CDH18: variants seen among roughly 807,000 people sequenced by gnomAD.
CDH18 encodes cadherin-18.
CDH18 carries 31 observed loss-of-function variants against 67.9 expected under a neutral mutation model. The ratio of observed to expected loss-of-function variants is 0.46; its 90% confidence interval spans 0.34 to 0.62. The LOEUF is 0.62. Among genes scored for constraint, CDH18 ranks in the 20% least tolerant of loss-of-function variants. The pLI is 0.01. For synonymous variants in CDH18, 362 were observed against 347.2 expected, an observed-to-expected ratio of 1.04 and a Z score of -0.48; for missense variants, 890 against 975.5, an observed-to-expected ratio of 0.91 and a Z score of 1.17.
chr5:20,330,138 C>T (rs1444629318), intron 1 of CDH18, among the ~76,000 whole-genome samples: 4 of 151,988 alleles, frequency 2.6e-5, no homozygotes, highest in Admixed American at 1.3e-4. Context: ...TCTATAAAAG[C>T]AAAATTATCT....
chr5:19,588,084 G>A (rs547147690), intron 7 of CDH18, among the ~76,000 whole-genome samples: 1 of 151,792 alleles, frequency 6.6e-6, no homozygotes, highest in African/African-American at 2.4e-5. Context: ...TTTGTTTTAG[G>A]CTTGCCTATT....
intron 2 of CDH18, among the ~76,000 whole-genome samples, chr5:19,875,385 C>A (rs954987004): frequency 1.3e-5 from 2 of 149,034 alleles, no homozygotes; most frequent in Non-Finnish European, 3.0e-5. Flanking sequence ...TCTTCTATTT[C>A]TTCCATGGGT....
At chr5:19,501,514 G>GAAAAAAAA (rs33928797) in intron 11 of CDH18, among the ~76,000 whole-genome samples, 1 of 121,586 alleles carries the variant, frequency 8.2e-6, no homozygotes. Context: ...TCTTAAAAAA[G>GAAAAAAAA]AAAAAAAAAA....
At chr5:20,104,509 A>T (rs545182551) in intron 2 of CDH18, among the ~76,000 whole-genome samples, 9 of 152,274 alleles carry the variant, frequency 5.9e-5, no homozygotes, top group African/African-American at 1.9e-4. Flanking sequence ...AAATACTCTG[A>T]TGACTTCTCA....
At chr5:20,458,479 G>A (rs115832311) in intron 1 of CDH18, among the ~76,000 whole-genome samples, 1,957 of 152,104 alleles carry the variant, frequency 0.013, 28 homozygotes, top group African/African-American at 0.033. Flanking sequence ...TTAGCTGGGC[G>A]CGGTGGCACG....
intron 4 of CDH18, among the ~76,000 whole-genome samples, chr5:19,727,715 A>G (rs991405153): frequency 7.2e-5 from 7 of 96,792 alleles, no homozygotes; most frequent in African/African-American, 1.8e-4. Flanking sequence ...TATGAAGTTA[A>G]AAGTCAAGAA....
At chr5:20,007,202 C>A (rs963615055) in intron 2 of CDH18, among the ~76,000 whole-genome samples, 1 of 151,524 alleles carries the variant, frequency 6.6e-6, no homozygotes, top group African/African-American at 2.4e-5. Flanking sequence ...GATTAGATAA[C>A]AAATGGTGAA....
intron 1 of CDH18, among the ~76,000 whole-genome samples, chr5:20,487,148 A>T (rs921218705): frequency 1.3e-5 from 2 of 152,128 alleles, no homozygotes; most frequent in African/African-American, 2.4e-5. Flanking sequence ...GGTTCTTGAA[A>T]CAAAGTTTCC....
intron 1 of CDH18, among the ~76,000 whole-genome samples, chr5:20,518,009 C>A (rs1202757975): frequency 6.6e-6 from 1 of 151,910 alleles, no homozygotes; most frequent in Non-Finnish European, 1.5e-5. Context: ...TTCCAGGAAC[C>A]TTTATTTTTT....
At chr5:19,504,508 G>T (rs1160393829) in intron 10 of CDH18, among the ~76,000 whole-genome samples, 1 of 151,840 alleles carries the variant, frequency 6.6e-6, no homozygotes, top group Non-Finnish European at 1.5e-5. Context: ...TGGATAATCA[G>T]ATATATTGTA....
intron 9 of CDH18, among the ~76,000 whole-genome samples, chr5:19,537,627 C>A (rs1398312022): frequency 2.0e-5 from 3 of 152,080 alleles, no homozygotes; most frequent in African/African-American, 7.2e-5. Context: ...CCTATGAAAC[C>A]TTCACTGATC....
At chr5:19,896,684 G>A (rs1789379474) in intron 2 of CDH18, among the ~76,000 whole-genome samples, 1 of 152,160 alleles carries the variant, frequency 6.6e-6, no homozygotes, top group Non-Finnish European at 1.5e-5. Flanking sequence ...TGAATTGACG[G>A]AAATCTGTTA....
intron 1 of CDH18, among the ~76,000 whole-genome samples, chr5:20,418,370 C>G (rs1181663775): frequency 6.6e-6 from 1 of 151,106 alleles, no homozygotes; most frequent in Non-Finnish European, 1.5e-5. Flanking sequence ...CATGAGCCAC[C>G]ACGCCCGGCC....
chr5:20,345,522 A>G (rs1335932545), intron 1 of CDH18, among the ~76,000 whole-genome samples: 2 of 152,024 alleles, frequency 1.3e-5, no homozygotes, highest in Non-Finnish European at 2.9e-5. Context: ...TATATCATTT[A>G]TATTTATTCC....
intron 1 of CDH18, among the ~76,000 whole-genome samples, chr5:20,389,756 A>G (rs1744671328): frequency 1.3e-5 from 2 of 152,160 alleles, no homozygotes; most frequent in South Asian, 4.1e-4. Flanking sequence ...GGTTACAGTA[A>G]ACAAAACAGC....
intron 2 of CDH18, among the ~76,000 whole-genome samples, chr5:20,009,842 C>T (rs942215273): frequency 6.6e-6 from 1 of 151,916 alleles, no homozygotes; most frequent in Non-Finnish European, 1.5e-5. Flanking sequence ...TGTTTTCATG[C>T]CCCTAATACT....
intron 1 of CDH18, among the ~76,000 whole-genome samples, chr5:20,454,307 G>T (rs1750683246): frequency 6.6e-6 from 1 of 151,862 alleles, no homozygotes; most frequent in African/African-American, 2.4e-5. Flanking sequence ...TTTCTGGAAA[G>T]GTATAATTGG....
At position 20,095,210 on chromosome 5, in the gene CDH18, G is replaced by T. The variant is rs573975572; in HGVS notation, c.-517-103196C>A. Among the ~76,000 whole-genome samples, 6 of 150,974 alleles carry T rather than the reference G, an allele frequency of 4.0e-5. No individual in the cohort carries two copies. In the East Asian group the frequency reaches 9.8e-4, roughly 25 times the overall value. On this transcript the variant is annotated intron_variant, in intron 2 of 14. Transcript: ENST00000507958. ...AGGAGAAATACCTAATGTAGATGAC[G>T]GGTTGATGGGTGCAGCAAACGACCA...
chr5:19,628,505 G>A (rs1425722788), intron 5 of CDH18, among the ~76,000 whole-genome samples: 1 of 152,154 alleles, frequency 6.6e-6, no homozygotes, highest in Non-Finnish European at 1.5e-5. Flanking sequence ...GAGATGTGGT[G>A]AAGTCCTGGA....
Sources: allele counts gnomAD v4.1 joint callset (sites outside exome capture counted in the v4.1 genomes callset), GRCh38; gene constraint gnomAD v4.1.1; transcripts MANE v1.5; gene names NCBI Gene and HGNC (gene_info 2026-07-23, HGNC 2026-07-21).